Variants in PCSK2 observed in about 807,000 individuals in gnomAD.
PCSK2 encodes neuroendocrine convertase 2.
In PCSK2, 14 loss-of-function variants were observed where a neutral mutation model predicts 69.7. The ratio of observed to expected loss-of-function variants is 0.20; its 90% CI spans 0.13 to 0.31. PCSK2 has a LOEUF of 0.31. Among genes scored for constraint, PCSK2 ranks in the 10% least tolerant of loss-of-function variants. PCSK2 has a pLI of 1.00. For synonymous variants in PCSK2, 307 were observed against 320.7 expected (o/e 0.96, Z 0.46); for missense variants, 544 against 842.5 (o/e 0.65, Z 4.39).
intron 2 of PCSK2, among the ~76,000 whole-genome samples, chr20:17,292,914 T>C (rs1988746380): frequency 6.6e-6 from 1 of 152,106 alleles, no homozygotes; most frequent in Non-Finnish European, 1.5e-5. Context: ...AGCCCCTGCC[T>C]CCTGGGTTCA....
chr20:17,288,759 C>T (rs1255265168), intron 2 of PCSK2, among the ~76,000 whole-genome samples: 1 of 152,182 alleles, frequency 6.6e-6, no homozygotes, highest in Non-Finnish European at 1.5e-5. Flanking sequence ...TGAGAAGAAA[C>T]CAACCCAGAT....
At chr20:17,413,211 G>A (rs1449493866) in intron 6 of PCSK2, among the ~76,000 whole-genome samples, 2 of 152,244 alleles carry the variant, frequency 1.3e-5, no homozygotes, top group Non-Finnish European at 1.5e-5. Context: ...TGGGCTAAAT[G>A]CCCCAATTAA....
chr20:17,378,088 G>A (rs192200970), intron 5 of PCSK2, among the ~76,000 whole-genome samples: 146 of 152,260 alleles, frequency 9.6e-4, no homozygotes, highest in Admixed American at 2.2e-3. Context: ...ACCTTGGGGG[G>A]TTCACATGTA....
chr20:17,226,569 G>A (rs1023279787), upstream of PCSK2, among the ~76,000 whole-genome samples: 1 of 151,626 alleles, frequency 6.6e-6, no homozygotes, highest in Admixed American at 6.6e-5. Flanking sequence ...TTTTTGCAGC[G>A]GGAAACAAGC....
At chr20:17,403,621 T>C (rs1231476392) in intron 5 of PCSK2, among the ~76,000 whole-genome samples, 1 of 152,228 alleles carries the variant, frequency 6.6e-6, no homozygotes, top group Non-Finnish European at 1.5e-5. Context: ...GCTAATACTG[T>C]TACACAGCTC....
At chr20:17,325,702 T>C (rs2123140889) in intron 2 of PCSK2, among the ~76,000 whole-genome samples, 1 of 152,372 alleles carries the variant, frequency 6.6e-6, no homozygotes, top group East Asian at 1.9e-4. Flanking sequence ...AAAGCGACAA[T>C]GCTCCACGTG....
Position 17,357,809 on chromosome 20 carries a change from G to A in PCSK2, c.283-518G>A, listed in dbSNP as rs566066084. 7.3e-5 allele frequency among the ~76,000 whole-genome samples: 11 copies of A among 151,604 alleles called. No individual in the cohort carries two copies. The East Asian group carries it at 2.1e-3, about 29-fold the overall frequency. ...CTCAGGAGCCTGAGGAAGGAGAATC[G>A]CTTGAACCTGGGAGGCCAAGGTTGC... On this transcript the variant is annotated intron_variant, in intron 2 of 11. Coordinates refer to ENST00000262545, the MANE Select transcript of PCSK2 (RefSeq NM_002594.5).
At chr20:17,323,694 C>T (rs1485347550) in intron 2 of PCSK2, among the ~76,000 whole-genome samples, 1 of 152,192 alleles carries the variant, frequency 6.6e-6, no homozygotes, top group Non-Finnish European at 1.5e-5. Flanking sequence ...TCTTCAATTG[C>T]TCAGTTTTCC....
chr20:17,229,665 GGTAGTACCCCACAACCAAATCCA>G (rs1421124924), intron 1 of PCSK2, among the ~76,000 whole-genome samples: 1 of 151,804 alleles, frequency 6.6e-6, no homozygotes, highest in Admixed American at 6.6e-5. Context: ...TAACCTCTCA[GGTAGTACCCCACAACCAAATCCA>G]GTGATTTTTT....
At chr20:17,303,439 TATAA>T (rs1989168033) in intron 2 of PCSK2, among the ~76,000 whole-genome samples, 1 of 61,344 alleles carries the variant, frequency 1.6e-5, no homozygotes, top group South Asian at 3.6e-4. Context: ...TAATATATAA[TATAA>T]TATATATTAT....
chr20:17,243,959 A>AT (rs35644146), intron 1 of PCSK2, among the ~76,000 whole-genome samples: 484 of 151,656 alleles, frequency 3.2e-3, no homozygotes, highest in Non-Finnish European at 5.1e-3. Flanking sequence ...CAGATTTTTT[A>AT]TTTTTTTTTC....
intron 1 of PCSK2, among the ~76,000 whole-genome samples, chr20:17,253,703 C>T (rs902048605): frequency 6.6e-6 from 1 of 152,034 alleles, no homozygotes; most frequent in South Asian, 2.1e-4. Context: ...TGTATGTTTT[C>T]ATTTCTCTTA....
At chr20:17,364,773 G>A (rs1258247526) in intron 4 of PCSK2, among the ~76,000 whole-genome samples, 3 of 152,122 alleles carry the variant, frequency 2.0e-5, no homozygotes, top group Non-Finnish European at 2.9e-5. Flanking sequence ...AGCCTGGCTG[G>A]GCACTGCTCA....
chr20:17,292,696 G>T (rs59941440), intron 2 of PCSK2, among the ~76,000 whole-genome samples: 2,762 of 152,276 alleles, frequency 0.018, 89 homozygotes, highest in African/African-American at 0.064. Context: ...TTCACATCTG[G>T]TGGGTTCTTC....
At chr20:17,411,041 C>G (rs190317684) in intron 6 of PCSK2, among the ~76,000 whole-genome samples, 1,973 of 152,262 alleles carry the variant, frequency 0.013, 17 homozygotes, top group Non-Finnish European at 0.02. Context: ...TGAACCCAAA[C>G]AAAATCTACC....
chr20:17,460,842 T>C (rs533159738), intron 10 of PCSK2, among the ~76,000 whole-genome samples: 6 of 152,348 alleles, frequency 3.9e-5, no homozygotes, highest in African/African-American at 1.4e-4. Flanking sequence ...AATAATAAAG[T>C]CTTTTTATTC....
intron 2 of PCSK2, among the ~76,000 whole-genome samples, chr20:17,282,200 C>T (rs1988342046): frequency 6.6e-6 from 1 of 152,054 alleles, no homozygotes; most frequent in African/African-American, 2.4e-5. Flanking sequence ...TGTATCTGCA[C>T]AAATGGCAGA....
intron 7 of PCSK2, among the ~76,000 whole-genome samples, chr20:17,430,011 G>A (rs915513252): frequency 6.6e-6 from 1 of 152,166 alleles, no homozygotes; most frequent in African/African-American, 2.4e-5. Context: ...AAGGTGGTGT[G>A]TATAAATTAT....
At chr20:17,368,819 T>C (rs2030675528) in intron 4 of PCSK2, among the ~76,000 whole-genome samples, 1 of 152,238 alleles carries the variant, frequency 6.6e-6, no homozygotes, top group African/African-American at 2.4e-5. Flanking sequence ...CCCAGCCATG[T>C]TCTCTTATTA....
Sources: allele counts gnomAD v4.1 joint callset (sites outside exome capture counted in the v4.1 genomes callset), GRCh38; gene constraint gnomAD v4.1.1; transcripts MANE v1.5; gene names NCBI Gene and HGNC (gene_info 2026-07-23, HGNC 2026-07-21).